Variants in ANK3 observed in about 807,000 individuals in gnomAD.
ANK3 encodes the protein ankyrin-3.
ANK3 carries 57 observed loss-of-function variants against 370.9 expected under a neutral mutation model. The ratio of observed to expected loss-of-function variants is 0.15; its 90% CI spans 0.12 to 0.19. The LOEUF is 0.19. ANK3 is among the 10% of genes least tolerant of loss of function. The pLI is 1.00. For synonymous variants in ANK3, 1,929 were observed against 1,946.3 expected (o/e 0.99, Z 0.23); for missense variants, 4,439 against 5,302.1 (o/e 0.84, Z 5.06).
At chr10:60,364,589 T>A (rs2059136991) in intron 1 of ANK3, among the ~76,000 whole-genome samples, 1 of 152,132 alleles carries the variant, frequency 6.6e-6, no homozygotes, top group South Asian at 2.1e-4. Flanking sequence ...AAATACCTAA[T>A]GTAGATGGTG....
chr10:60,409,257 C>G (rs1427348662), intron 2 of ANK3, among the ~76,000 whole-genome samples: 1 of 152,174 alleles, frequency 6.6e-6, no homozygotes, highest in Non-Finnish European at 1.5e-5. Flanking sequence ...CTACCCAAAC[C>G]AAAAGCAAAT....
At chr10:60,521,690 G>A (rs1230578313) in intron 2 of ANK3, among the ~76,000 whole-genome samples, 1 of 151,972 alleles carries the variant, frequency 6.6e-6, no homozygotes, top group Non-Finnish European at 1.5e-5. Flanking sequence ...CATCATTTGT[G>A]GTTTCTTAGA....
At chr10:60,700,658 C>T (rs543677432) in intron 1 of ANK3, among the ~76,000 whole-genome samples, 2 of 152,154 alleles carry the variant, frequency 1.3e-5, no homozygotes, top group Non-Finnish European at 2.9e-5. Context: ...TCCAGAATTA[C>T]TTCTAATTGC....
At chr10:60,597,428 G>T (rs998284994) in intron 2 of ANK3, among the ~76,000 whole-genome samples, 3 of 152,136 alleles carry the variant, frequency 2.0e-5, no homozygotes, top group Non-Finnish European at 2.9e-5. Flanking sequence ...AGGCAAATAT[G>T]TTATCTACCT....
At chr10:60,528,231 G>C (rs897292820) in intron 2 of ANK3, among the ~76,000 whole-genome samples, 2 of 146,664 alleles carry the variant, frequency 1.4e-5, no homozygotes, top group Admixed American at 7.1e-5. Context: ...CTACCTCCTG[G>C]GTTCAAGCGA....
At chr10:60,177,607 T>G (rs931474718) in intron 18 of ANK3, among the ~76,000 whole-genome samples, 17 of 145,860 alleles carry the variant, frequency 1.2e-4, no homozygotes, top group African/African-American at 4.3e-4. Flanking sequence ...TTTTTTTTTT[T>G]TTTTGTTTGA....
intron 1 of ANK3, chr10:60,300,549 G>T (rs1428255421): frequency 3.3e-6 from 4 of 1,199,908 alleles, no homozygotes; most frequent in South Asian, 3.1e-5. Context: ...TACAGAATCC[G>T]CCTGGGCCCT....
intron 2 of ANK3, among the ~76,000 whole-genome samples, chr10:60,503,048 T>G (rs1746096695): frequency 6.6e-6 from 1 of 152,138 alleles, no homozygotes; most frequent in Admixed American, 6.5e-5. Context: ...AAACTTATAT[T>G]AATATATATT....
intron 23 of ANK3, among the ~76,000 whole-genome samples, chr10:60,150,777 C>G (rs1474910428): frequency 1.3e-5 from 2 of 152,110 alleles, no homozygotes; most frequent in Non-Finnish European, 2.9e-5. Flanking sequence ...CCTGAGGCCT[C>G]ACCAGAAGCC....
In ANK3 at chr10:60,499,457, T is replaced by C. The variant is rs151237690; in HGVS notation, c.96+115729A>G. Among the ~76,000 whole-genome samples, 368 of 152,300 alleles carry C rather than the reference T, an allele frequency of 2.4e-3. 1 individual carries two copies. Among genetic ancestry groups the C allele is most frequent in the African/African-American group, 8.1e-3 (335 of 41,570 alleles). The stretch of plus-strand genomic sequence containing the variant: ...TAGAGCTCAACTTTTCAAAAAACTA[T>C]ACACAATAGGTAAAACATTATGCAA... On this transcript the variant is annotated intron_variant, in intron 2 of 43. Transcript: ENST00000373827.
chr10:60,073,385 T>C lies in ANK3; in HGVS notation c.7496A>G (p.Asp2499Gly). ...GGCTATTTTTTCTCTGGACCGCTTA[T>C]CAGACCCCTGTAACTCTGAGCTAGG... is the stretch of plus-strand genomic sequence containing the variant. The part of the protein sequence containing the change: ...GPPSSELQGS[D>G]KRSREKIATA... The change falls in exon 37 of 44, where the codon GAT becomes GGT. Residue 2499 changes from aspartate (D) to glycine (G), a missense_variant. By Grantham distance (94) the Asp-to-Gly change is moderately conservative. Transcript: ENST00000280772. 1 of 1,613,904 alleles carries C rather than the reference T, an allele frequency of 6.2e-7. No homozygotes were observed. Among genetic ancestry groups the C allele is most frequent in the Non-Finnish European group, 8.5e-7 (1 of 1,180,016 alleles).
In ANK3 at chr10:60,068,975, G is replaced by A; in HGVS notation, c.11906C>T (p.Thr3969Ile). The change falls in exon 37 of 44, where the codon ACC (threonine) becomes ATC (isoleucine). Residue 3969 changes from threonine (T) to isoleucine (I), a missense_variant. By Grantham distance (89) the Thr-to-Ile change is moderately conservative. This residue lies in a region of ANK3 where 496 missense variants were observed against 529.3 expected (regional missense o/e 0.94). Coordinates refer to ENST00000280772, the MANE Select transcript of ANK3 (RefSeq NM_020987.5). ...VTTTTTTATT[T>I]TTTTTTTTTS... The stretch of plus-strand genomic sequence containing the variant: ...GGTGGTGGTAGTGGTGGTAGTGGTG[G>A]TGGTGGTGGCAGTGGTGGTGGTGGT... 6.2e-7 allele frequency: 1 copy of A among 1,613,676 alleles called. No homozygotes were observed. The highest frequency in any genetic ancestry group is 1.1e-5 in the South Asian group (1 of 91,048).
At chr10:60,476,399 C>T (rs185295821) in intron 2 of ANK3, among the ~76,000 whole-genome samples, 38 of 152,126 alleles carry the variant, frequency 2.5e-4, no homozygotes, top group African/African-American at 8.2e-4. Flanking sequence ...TTATAACATC[C>T]TTTTTTAAGT....
intron 1 of ANK3, among the ~76,000 whole-genome samples, chr10:60,715,861 C>A (rs1002951406): frequency 0.013 from 1 of 80 alleles, no homozygotes; most frequent in African/African-American, 0.038. Context: ...AACTTAAGGA[C>A]CATGCTGACC....
At chr10:60,081,867 G>A (rs182223409) in intron 35 of ANK3, 22 of 276,422 alleles carry the variant, frequency 8.0e-5, no homozygotes, top group Non-Finnish European at 1.2e-4. Flanking sequence ...AATTTTTAAC[G>A]TTTATTTATA....
intron 1 of ANK3, among the ~76,000 whole-genome samples, chr10:60,676,902 C>T (rs2079132990): frequency 6.6e-6 from 1 of 152,100 alleles, no homozygotes; most frequent in South Asian, 2.1e-4. Flanking sequence ...TTGGAATGTT[C>T]CCAATACAAA....
chr10:60,607,128 T>C (rs1053868513), intron 2 of ANK3, among the ~76,000 whole-genome samples: 14 of 152,198 alleles, frequency 9.2e-5, no homozygotes, highest in Non-Finnish European at 1.6e-4. Flanking sequence ...TATGCACTCA[T>C]TGAACACAAG....
chr10:60,141,149 T>C (rs2094540316), intron 23 of ANK3: 2 of 406,328 alleles, frequency 4.9e-6, no homozygotes, highest in Non-Finnish European at 6.6e-6. Context: ...TTCCCATAAC[T>C]CTCCAAGAGG....
At chr10:60,570,176 G>A (rs891024517) in intron 2 of ANK3, among the ~76,000 whole-genome samples, 4 of 152,174 alleles carry the variant, frequency 2.6e-5, no homozygotes, top group Non-Finnish European at 4.4e-5. Context: ...AACTGGTAGA[G>A]ATAATTCAAT....
Sources: gnomAD v4.1 joint callset for allele counts (sites outside exome capture counted in the v4.1 genomes callset) on GRCh38, gnomAD v4.1.1 for gene constraint, gnomAD v4.1.1 regional missense constraint, MANE v1.5 for transcripts, NCBI Gene and HGNC (gene_info 2026-07-23, HGNC 2026-07-21) for gene names.